ZEB1: variants seen among roughly 807,000 people sequenced by gnomAD.
ZEB1 encodes the protein zinc finger E-box binding homeobox 1.
In ZEB1, 21 loss-of-function variants were observed where a neutral mutation model predicts 84.9. That is an observed-to-expected ratio of 0.25 (90% CI 0.18 to 0.36). ZEB1 has a LOEUF of 0.36. ZEB1 is among the 10% of genes least tolerant of loss of function. The pLI is 1.00. For missense variants in ZEB1, 1,104 were observed against 1,330.2 expected (o/e 0.83, Z 2.65); for synonymous variants, 420 against 471.1 (o/e 0.89, Z 1.41).
chr10:31,527,141 A>G lies in ZEB1; in HGVS notation c.3255A>G (p.Gly1085=). The change falls in exon 9 of 9, where the codon GGA becomes GGG. Residue 1085 remains glycine (G), a synonymous_variant. Coordinates refer to ENST00000424869, the MANE Select transcript of ZEB1 (RefSeq NM_001174096.2). ...AGGTAGAAGAGGCAGAGAATGAGGGAGAAGAAGCAAAAACTGAAGGTCTGA... is the reference window on the plus strand; with the variant it reads ...AGGTAGAAGAGGCAGAGAATGAGGGGGAAGAAGCAAAAACTGAAGGTCTGA... ...EEEVEEAENE[G]EEAKTEGLMK... is the part of the protein sequence containing the mutation. The G allele has an allele frequency of 6.2e-7, 1 of 1,609,036 alleles. No individual in the cohort carries two copies. Among genetic ancestry groups the G allele is most frequent in the Non-Finnish European group, 8.5e-7 (1 of 1,177,450 alleles).
At chr10:31,418,938 T>C (rs749705162) in intron 1 of ZEB1, among the ~76,000 whole-genome samples, 3 of 152,112 alleles carry the variant, frequency 2.0e-5, no homozygotes, top group Non-Finnish European at 4.4e-5. Context: ...CCAGTAAGTA[T>C]AATGTACATA....
chr10:31,372,620 A>G (rs2045921873), intron 1 of ZEB1, among the ~76,000 whole-genome samples: 2 of 152,060 alleles, frequency 1.3e-5, no homozygotes, highest in African/African-American at 4.8e-5. Context: ...GTACTATTAC[A>G]AGTAGTTGAT....
chr10:31,323,963 T>TTGTGTGTGTG (rs1564458960), intron 1 of ZEB1, among the ~76,000 whole-genome samples: 13 of 111,830 alleles, frequency 1.2e-4, no homozygotes, highest in African/African-American at 3.3e-4. Context: ...TCATGGTTCT[T>TTGTGTGTGTG]CGTGTGTGTG....
At chr10:31,334,728 A>G (rs544619895) in intron 1 of ZEB1, among the ~76,000 whole-genome samples, 1 of 152,252 alleles carries the variant, frequency 6.6e-6, no homozygotes, top group Non-Finnish European at 1.5e-5. Flanking sequence ...TGGAATGAAA[A>G]TGGGAATGTT....
chr10:31,441,579 C>G (rs2058993556), intron 1 of ZEB1, among the ~76,000 whole-genome samples: 1 of 152,106 alleles, frequency 6.6e-6, no homozygotes, highest in Non-Finnish European at 1.5e-5. Context: ...AACTAAAGAG[C>G]TTCTGCACAG....
intron 2 of ZEB1, among the ~76,000 whole-genome samples, chr10:31,478,314 T>C (rs1283904690): frequency 2.6e-5 from 4 of 151,926 alleles, no homozygotes; most frequent in Admixed American, 6.6e-5. Flanking sequence ...TATTATCTTA[T>C]ACCAGTCAGA....
intron 1 of ZEB1, chr10:31,321,432 G>A (rs1323779728): frequency 1.2e-5 from 19 of 1,612,934 alleles, no homozygotes; most frequent in Non-Finnish European, 1.5e-5. Flanking sequence ...AGCAAGGAGT[G>A]GAGCATAGGC....
intron 3 of ZEB1, among the ~76,000 whole-genome samples, chr10:31,497,726 C>T (rs866449115): frequency 6.6e-6 from 1 of 152,072 alleles, no homozygotes; most frequent in East Asian, 1.9e-4. Context: ...TTTTTTATAG[C>T]AGACTTCCTT....
intron 1 of ZEB1, among the ~76,000 whole-genome samples, chr10:31,422,016 T>C (rs1439223817): frequency 6.6e-6 from 1 of 152,096 alleles, no homozygotes; most frequent in Non-Finnish European, 1.5e-5. Context: ...TTTGCTTTGA[T>C]CCATAGATAC....
chr10:31,479,235 T>C (rs1216755777), intron 2 of ZEB1, among the ~76,000 whole-genome samples: 1 of 151,830 alleles, frequency 6.6e-6, no homozygotes, highest in Non-Finnish European at 1.5e-5. Context: ...AGATTGAAGC[T>C]GTAATCAAAA....
intron 2 of ZEB1, among the ~76,000 whole-genome samples, chr10:31,486,537 A>T (rs1591776097): frequency 1.4e-5 from 2 of 146,270 alleles, no homozygotes; most frequent in Non-Finnish European, 1.5e-5. Context: ...TCTGCTTAAC[A>T]CCTTTTGTGT....
At chr10:31,472,330 AAGAG>A (rs2063387324) in intron 2 of ZEB1, among the ~76,000 whole-genome samples, 2 of 152,212 alleles carry the variant, frequency 1.3e-5, no homozygotes, top group South Asian at 2.1e-4. Context: ...CTAATAAAAA[AAGAG>A]AGAAGAATCA....
chr10:31,382,641 C>T (rs1387752425), intron 1 of ZEB1, among the ~76,000 whole-genome samples: 1 of 151,952 alleles, frequency 6.6e-6, no homozygotes, highest in East Asian at 1.9e-4. Context: ...AGAGAGAATA[C>T]CTTTACATCT....
chr10:31,362,605 C>T lies in ZEB1; in HGVS notation c.58+43313C>T, dbSNP rs544655957. Among the ~76,000 whole-genome samples, 9 of 141,266 alleles carry T rather than the reference C, an allele frequency of 6.4e-5. No homozygotes were observed. In the East Asian group the frequency reaches 1.5e-3, roughly 24 times the overall value. The allele number at this position is 141,266 out of a possible 152,430, so 92.7% of individuals were successfully genotyped here. A position where few individuals can be genotyped will look rare whatever the true frequency, so the allele number is the denominator to read the frequency against. On this transcript the variant is annotated intron_variant, in intron 1 of 8. Coordinates refer to ENST00000424869, the MANE Select transcript of ZEB1 (RefSeq NM_001174096.2). ...GGCTCTTGTCGCTTCCCAGACAGGG[C>T]GGGGGCCGGGCAGAGGCGCTCCTCA...
chr10:31,455,902 A>G (rs1010997474), intron 1 of ZEB1, among the ~76,000 whole-genome samples: 2 of 152,174 alleles, frequency 1.3e-5, no homozygotes, highest in Admixed American at 6.5e-5. Flanking sequence ...CCATCCCATT[A>G]CTCGGTATAT....
intron 1 of ZEB1, among the ~76,000 whole-genome samples, chr10:31,443,573 C>A (rs1289218341): frequency 1.6e-5 from 2 of 124,322 alleles, no homozygotes; most frequent in African/African-American, 3.0e-5. Flanking sequence ...TCCCCCCACC[C>A]CACAACAGTC....
intron 1 of ZEB1, among the ~76,000 whole-genome samples, chr10:31,419,654 A>G (rs1322683093): frequency 6.6e-6 from 1 of 152,136 alleles, no homozygotes; most frequent in Non-Finnish European, 1.5e-5. Context: ...GTTAAGTTGG[A>G]TATTTTTGAG....
chr10:31,358,817 A>G (rs996368572), intron 1 of ZEB1, among the ~76,000 whole-genome samples: 4 of 152,224 alleles, frequency 2.6e-5, no homozygotes, highest in African/African-American at 9.6e-5. Flanking sequence ...TTCAGTTGCT[A>G]GATTTCTGAA....
intron 1 of ZEB1, among the ~76,000 whole-genome samples, chr10:31,343,093 T>G (rs1156865785): frequency 6.6e-6 from 1 of 152,172 alleles, no homozygotes; most frequent in Non-Finnish European, 1.5e-5. Context: ...TTGCATTTAT[T>G]CTCAGTTTCC....
Sources: gnomAD v4.1 joint callset for allele counts (sites outside exome capture counted in the v4.1 genomes callset) on GRCh38, gnomAD v4.1.1 for gene constraint, MANE v1.5 for transcripts, NCBI Gene and HGNC (gene_info 2026-07-23, HGNC 2026-07-21) for gene names.